The following ZBBX variants were observed in gnomAD, a reference collection of about 807,000 sequenced individuals.
ZBBX encodes zinc finger B-box domain-containing protein 1.
ZBBX carries 101 observed loss-of-function variants against 108.5 expected under a neutral mutation model. That is an observed-to-expected ratio of 0.93 (90% CI 0.79 to 1.10). The LOEUF (loss-of-function observed/expected upper bound fraction) is 1.10. Ranked by LOEUF, ZBBX falls within the 50% of genes least tolerant of loss-of-function variation. ZBBX has a pLI of 0.00. For missense variants in ZBBX, 1,009 were observed against 941.4 expected, an observed-to-expected ratio of 1.07 and a Z score of -0.94; for synonymous variants, 356 against 323.4, an observed-to-expected ratio of 1.10 and a Z score of -1.08.
At chr3:167,218,841 T>C in the ZBBX span, among the ~76,000 whole-genome samples, 2,033 of 152,144 alleles carry the variant, frequency 0.013, 22 homozygotes, top group South Asian at 0.026. Context: ...AATAGCTGAA[T>C]GAATATAACA....
chr3:167,204,206 T>TC, the ZBBX span, among the ~76,000 whole-genome samples: 4 of 149,082 alleles, frequency 2.7e-5, no homozygotes, highest in Admixed American at 2.0e-4. Flanking sequence ...TTCTTTTTTT[T>TC]TTTTTTAATT....
chr3:167,208,346 G>GCTTGTGCTCC, the ZBBX span, among the ~76,000 whole-genome samples: 1 of 152,198 alleles, frequency 6.6e-6, no homozygotes, highest in African/African-American at 2.4e-5. Context: ...CTAAGGAAGT[G>GCTTGTGCTCC]CTTGTGCTCC....
At position 167,379,667 on chromosome 3, in the gene ZBBX, G is replaced by GA. The variant is rs1347169559; in HGVS notation, c.-162dup. 1.3e-5 allele frequency: 2 copies of GA among 152,090 alleles called. No individual in the cohort carries two copies. Among genetic ancestry groups the GA allele is most frequent in the African/African-American group, 4.8e-5 (2 of 41,410 alleles). 9.4% of individuals were successfully genotyped at this position (152,090 alleles called of 1,614,324 possible). ...GTCCCTCTACTGCTGATTTTGGGAA[G>GA]AAAAAATAAACTTCCACATCTTCAG... is the stretch of plus-strand genomic sequence containing the variant. On this transcript the variant is annotated 5_prime_UTR_variant, in exon 2 of 22. It removes the in-frame stop codon of an upstream open reading frame in the 5' UTR. Transcript: ENST00000675490.
intron 1 of ZBBX, among the ~76,000 whole-genome samples, chr3:167,396,523 T>C (rs1748239808): frequency 6.6e-6 from 1 of 152,086 alleles, no homozygotes; most frequent in African/African-American, 2.4e-5. Context: ...AAATGGTATT[T>C]TCTTTACCCA....
chr3:167,268,258 T>G (rs571285390), intron 20 of ZBBX, among the ~76,000 whole-genome samples: 1 of 151,936 alleles, frequency 6.6e-6, no homozygotes, highest in African/African-American at 2.4e-5. Context: ...CAGATCAAGT[T>G]GATCAATCCC....
intron 1 of ZBBX, among the ~76,000 whole-genome samples, chr3:167,404,056 C>A (rs77210050): frequency 6.6e-6 from 1 of 151,966 alleles, no homozygotes; most frequent in African/African-American, 2.4e-5. Flanking sequence ...ATACTGTACA[C>A]CCTCTACAGA....
the ZBBX span, among the ~76,000 whole-genome samples, chr3:167,225,935 G>A: frequency 6.6e-6 from 1 of 151,538 alleles, no homozygotes; most frequent in African/African-American, 2.4e-5. Flanking sequence ...GTTCCTTTCA[G>A]TTATAAAAGC....
the ZBBX span, among the ~76,000 whole-genome samples, chr3:167,183,666 G>A: frequency 5.9e-5 from 9 of 152,140 alleles, 1 homozygote; most frequent in East Asian, 1.9e-4. Context: ...CTAGTAATCC[G>A]CCACAGGAAC....
chr3:167,301,644 AT>A (rs1732688481), intron 17 of ZBBX, among the ~76,000 whole-genome samples: 2 of 152,038 alleles, frequency 1.3e-5, no homozygotes, highest in East Asian at 3.9e-4. Context: ...TCTACCTTCT[AT>A]TTTAATTTTT....
intron 4 of ZBBX, among the ~76,000 whole-genome samples, chr3:167,372,114 G>A (rs1486200330): frequency 6.6e-6 from 1 of 152,188 alleles, no homozygotes; most frequent in African/African-American, 2.4e-5. Context: ...CGGTGGCTGA[G>A]GCAGGAGAAT....
intron 20 of ZBBX, among the ~76,000 whole-genome samples, chr3:167,266,665 T>A (rs1201305212): frequency 6.6e-6 from 1 of 152,142 alleles, no homozygotes; most frequent in Non-Finnish European, 1.5e-5. Context: ...TATAAAAAAC[T>A]CCCGGTCCCC....
Position 167,352,534 on chromosome 3 carries a change from G to A in ZBBX, c.433-2019C>T, listed in dbSNP as rs370250449. Among the ~76,000 whole-genome samples, 555 of 151,984 alleles carry A rather than the reference G, an allele frequency of 3.7e-3. 2 individuals are homozygous for A. Among genetic ancestry groups the A allele is most frequent in the Non-Finnish European group, 6.2e-3 (421 of 67,954 alleles). The stretch of plus-strand genomic sequence containing the variant: ...AAAGCCAAGATCAGACAGATTCACA[G>A]CAAATTCTACCAGTCATAAAAAGAA... On this transcript the variant is annotated intron_variant, in intron 8 of 21. Coordinates refer to ENST00000675490, the MANE Select transcript of ZBBX (RefSeq NM_001199201.2).
At chr3:167,214,716 C>A in the ZBBX span, among the ~76,000 whole-genome samples, 2 of 152,088 alleles carry the variant, frequency 1.3e-5, no homozygotes, top group African/African-American at 4.8e-5. Flanking sequence ...GGCACATACT[C>A]TAAAATCAAA....
At chr3:167,315,439 T>C (rs369270177) in intron 15 of ZBBX, among the ~76,000 whole-genome samples, 8 of 152,166 alleles carry the variant, frequency 5.3e-5, no homozygotes, top group Non-Finnish European at 1.0e-4. Flanking sequence ...AAAGCTCATA[T>C]GAAACATATC....
At chr3:167,244,591 G>A (rs1721240163) in intron 20 of ZBBX, among the ~76,000 whole-genome samples, 1 of 152,054 alleles carries the variant, frequency 6.6e-6, no homozygotes, top group Non-Finnish European at 1.5e-5. Context: ...CTTGATTTTA[G>A]GTAACAGAAA....
At chr3:167,377,454 C>T (rs1312760319) in intron 2 of ZBBX, among the ~76,000 whole-genome samples, 2 of 152,024 alleles carry the variant, frequency 1.3e-5, no homozygotes, top group African/African-American at 2.4e-5. Context: ...AAAACCATAC[C>T]ATAAATAGGG....
intron 16 of ZBBX, among the ~76,000 whole-genome samples, chr3:167,309,853 G>T (rs1045013224): frequency 6.6e-6 from 1 of 152,196 alleles, no homozygotes; most frequent in African/African-American, 2.4e-5. Flanking sequence ...CATGTGGCTC[G>T]AATTTCTCCC....
chr3:167,357,101 G>T (rs1358644377), intron 8 of ZBBX, among the ~76,000 whole-genome samples: 1 of 152,088 alleles, frequency 6.6e-6, no homozygotes, highest in African/African-American at 2.4e-5. Context: ...ATTAGGGGAT[G>T]ATCAATATAG....
intron 1 of ZBBX, among the ~76,000 whole-genome samples, chr3:167,386,649 A>G (rs181795079): frequency 1.3e-3 from 193 of 152,186 alleles, no homozygotes; most frequent in Non-Finnish European, 2.3e-3. Context: ...CAGTTTTGCC[A>G]GCAAACAATT....
Sources: allele counts gnomAD v4.1 joint callset (sites outside exome capture counted in the v4.1 genomes callset), GRCh38; gene constraint gnomAD v4.1.1; transcripts MANE v1.5; gene names NCBI Gene and HGNC (gene_info 2026-07-23, HGNC 2026-07-21).